PDGFC: variants seen among roughly 807,000 people sequenced by gnomAD.
The protein encoded by PDGFC is platelet derived growth factor C.
Under a neutral mutation model 35.5 loss-of-function variants are expected in PDGFC, and 12 were observed. The observed-to-expected ratio is 0.34, with a 90% confidence interval of 0.22 to 0.55. The LOEUF (loss-of-function observed/expected upper bound fraction) is 0.55, where lower values mean the gene tolerates loss of function less well. Ranked by LOEUF, PDGFC falls within the 20% of genes least tolerant of loss-of-function variation. The probability of loss-of-function intolerance (pLI) is 0.91; values close to 1 mark genes in which losing one functional copy is unlikely to be tolerated. For synonymous variants in PDGFC, 159 were observed against 148.8 expected (o/e 1.07, Z -0.50); for missense variants, 322 against 412.4 (o/e 0.78, Z 1.90).
At chr4:156,943,206 T>C (rs192683710) in intron 1 of PDGFC, among the ~76,000 whole-genome samples, 1 of 152,150 alleles carries the variant, frequency 6.6e-6, no homozygotes, top group Admixed American at 6.5e-5. Flanking sequence ...AGATCAGAAA[T>C]GACGCAAATA....
At chr4:156,819,263 T>C (rs1191537051) in intron 2 of PDGFC, among the ~76,000 whole-genome samples, 1 of 152,106 alleles carries the variant, frequency 6.6e-6, no homozygotes, top group East Asian at 1.9e-4. Context: ...AAACACCAGA[T>C]TTTCAGTGTA....
chr4:156,891,343 T>C (rs1221553471), intron 1 of PDGFC, among the ~76,000 whole-genome samples: 2 of 143,294 alleles, frequency 1.4e-5, no homozygotes, highest in African/African-American at 5.1e-5. Flanking sequence ...TACAGTGTTA[T>C]TATCCTATGG....
At chr4:156,819,228 T>C (rs1435625199) in intron 2 of PDGFC, among the ~76,000 whole-genome samples, 2 of 151,870 alleles carry the variant, frequency 1.3e-5, no homozygotes, top group Non-Finnish European at 2.9e-5. Context: ...ACTAAGATAA[T>C]TGATAAAGGT....
At chr4:156,836,390 TGAG>T (rs1218700720) in intron 2 of PDGFC, among the ~76,000 whole-genome samples, 1 of 152,212 alleles carries the variant, frequency 6.6e-6, no homozygotes, top group African/African-American at 2.4e-5. Flanking sequence ...TACATTTAAA[TGAG>T]GATCTTTTCA....
At chr4:156,946,995 G>C (rs1337117750) in intron 1 of PDGFC, among the ~76,000 whole-genome samples, 3 of 152,038 alleles carry the variant, frequency 2.0e-5, no homozygotes, top group African/African-American at 7.2e-5. Context: ...GCTGGAAGCA[G>C]AAATGGGAAT....
At chr4:156,881,616 G>A (rs1207197057) in intron 1 of PDGFC, among the ~76,000 whole-genome samples, 2 of 152,004 alleles carry the variant, frequency 1.3e-5, no homozygotes, top group Non-Finnish European at 2.9e-5. Flanking sequence ...GGATCGCCTG[G>A]AGTCAGGAGT....
intron 1 of PDGFC, among the ~76,000 whole-genome samples, chr4:156,917,859 G>A (rs1226274032): frequency 6.6e-6 from 1 of 152,162 alleles, no homozygotes; most frequent in Admixed American, 6.5e-5. Context: ...TTCATTAGAT[G>A]TTCAAGTAGG....
At chr4:156,786,097 G>A (rs1035104078) in intron 3 of PDGFC, among the ~76,000 whole-genome samples, 5 of 151,882 alleles carry the variant, frequency 3.3e-5, no homozygotes, top group African/African-American at 1.2e-4. Flanking sequence ...ACACTAATAG[G>A]CTCTTGATTA....
rs1732197008 is a variant in PDGFC, at chr4:156,955,870, C to G, written c.118+14916G>C. Among the ~76,000 whole-genome samples the G allele has an allele frequency of 2.0e-5, 3 of 151,914 alleles. No individual in the cohort carries two copies. The South Asian group carries it at 6.2e-4, about 32-fold the overall frequency. The stretch of plus-strand genomic sequence containing the variant: ...CAAAAGTAGTTCATTTTTGAATAGG[C>G]TTTGTACTCTCTCACAAGTCCGCAC... On this transcript the variant is annotated intron_variant, in intron 1 of 5. Transcript: ENST00000502773.
chr4:156,779,832 C>T (rs1387607470), intron 3 of PDGFC, among the ~76,000 whole-genome samples: 1 of 152,196 alleles, frequency 6.6e-6, no homozygotes, highest in Non-Finnish European at 1.5e-5. Flanking sequence ...AACACCTTCT[C>T]ACCTAAAGCA....
intron 1 of PDGFC, among the ~76,000 whole-genome samples, chr4:156,929,327 C>CA (rs1731493009): frequency 6.6e-6 from 1 of 151,594 alleles, no homozygotes; most frequent in East Asian, 1.9e-4. Flanking sequence ...AATTACAGAA[C>CA]AAAAATGCAT....
chr4:156,763,295 C>G (rs371391965), intron 5 of PDGFC, 89 bp from the exon 6 acceptor site: 3 of 613,534 alleles, frequency 4.9e-6, no homozygotes, highest in Non-Finnish European at 9.2e-6. Flanking sequence ...AGAAAAGAAT[C>G]TTGGGGCCCA....
At chr4:156,898,438 G>A (rs1299046438) in intron 1 of PDGFC, among the ~76,000 whole-genome samples, 2 of 152,162 alleles carry the variant, frequency 1.3e-5, no homozygotes, top group African/African-American at 4.8e-5. Context: ...ATGCCTATAA[G>A]TGAGAATAAA....
intron 1 of PDGFC, among the ~76,000 whole-genome samples, chr4:156,916,823 CAAAAGAT>C (rs1731165335): frequency 6.6e-6 from 1 of 152,058 alleles, no homozygotes; most frequent in Non-Finnish European, 1.5e-5. Context: ...TGCTACTGGC[CAAAAGAT>C]AAAAAACAGC....
At chr4:156,964,415 T>G (rs1732414984) in intron 1 of PDGFC, among the ~76,000 whole-genome samples, 1 of 148,336 alleles carries the variant, frequency 6.7e-6, no homozygotes, top group Non-Finnish European at 1.5e-5. Context: ...GATATATATA[T>G]AACAGTATAT....
At chr4:156,929,448 T>C (rs1731496932) in intron 1 of PDGFC, among the ~76,000 whole-genome samples, 1 of 145,274 alleles carries the variant, frequency 6.9e-6, no homozygotes, top group Non-Finnish European at 1.5e-5. Context: ...GTTCATAAAA[T>C]CAGCATTCGT....
chr4:156,914,144 G>A (rs1197510617), intron 1 of PDGFC, among the ~76,000 whole-genome samples: 1 of 152,120 alleles, frequency 6.6e-6, no homozygotes. Flanking sequence ...GGACTAAAAA[G>A]AAAGATTAAA....
chr4:156,829,735 G>A (rs904298778), intron 2 of PDGFC, among the ~76,000 whole-genome samples: 4 of 152,002 alleles, frequency 2.6e-5, no homozygotes, highest in African/African-American at 7.2e-5. Context: ...CTCCTTGACA[G>A]AAGAGGTAGG....
intron 3 of PDGFC, among the ~76,000 whole-genome samples, chr4:156,804,666 T>C (rs1044234126): frequency 1.3e-5 from 2 of 152,034 alleles, no homozygotes; most frequent in Non-Finnish European, 2.9e-5. Flanking sequence ...TCTTTGAATC[T>C]TCTCAACAAA....
Sources: gnomAD v4.1 joint callset for allele counts (sites outside exome capture counted in the v4.1 genomes callset) on GRCh38, gnomAD v4.1.1 for gene constraint, MANE v1.5 for transcripts, NCBI Gene and HGNC (gene_info 2026-07-23, HGNC 2026-07-21) for gene names.